The following DAB1 variants were observed in gnomAD, a reference collection of about 807,000 sequenced individuals.
DAB1 encodes the protein disabled homolog 1.
Under a neutral mutation model 64.6 loss-of-function variants are expected in DAB1, and 15 were observed. The ratio of observed to expected loss-of-function variants is 0.23; its 90% CI spans 0.16 to 0.36. The LOEUF (loss-of-function observed/expected upper bound fraction) is 0.36, where lower values mean the gene tolerates loss of function less well. Ranked by LOEUF, DAB1 falls within the 10% of genes least tolerant of loss-of-function variation. The pLI, the probability that DAB1 is intolerant of heterozygous loss-of-function variation, is 1.00. For synonymous variants in DAB1, 235 were observed against 251.9 expected, an observed-to-expected ratio of 0.93 and a Z score of 0.64; for missense variants, 596 against 706.7, an observed-to-expected ratio of 0.84 and a Z score of 1.78.
At chr1:57,238,363 C>T (rs958092169) in intron 2 of DAB1, among the ~76,000 whole-genome samples, 2 of 152,168 alleles carry the variant, frequency 1.3e-5, no homozygotes, top group Non-Finnish European at 2.9e-5. Flanking sequence ...GCCACAGCAA[C>T]CTAGGAGAAA....
intron 3 of DAB1, among the ~76,000 whole-genome samples, chr1:58,401,734 G>T (rs1644570143): frequency 6.6e-6 from 1 of 152,018 alleles, no homozygotes; most frequent in African/African-American, 2.4e-5. Flanking sequence ...GCATATAATG[G>T]GTATCACCTT....
chr1:57,480,623 T>C (rs1397578273), intron 7 of DAB1, among the ~76,000 whole-genome samples: 1 of 152,116 alleles, frequency 6.6e-6, no homozygotes, highest in African/African-American at 2.4e-5. Flanking sequence ...GAGCTGGGAT[T>C]ACAGGCACAT....
At chr1:58,091,983 A>T (rs922674104) in intron 5 of DAB1, among the ~76,000 whole-genome samples, 16 of 143,826 alleles carry the variant, frequency 1.1e-4, no homozygotes, top group Non-Finnish European at 2.2e-4. Context: ...AACATAGCTT[A>T]AGTAGCTTTA....
intron 7 of DAB1, among the ~76,000 whole-genome samples, chr1:57,513,747 T>C (rs1644431725): frequency 6.6e-6 from 1 of 152,208 alleles, no homozygotes; most frequent in Non-Finnish European, 1.5e-5. Context: ...ATGTTGTTAT[T>C]AACTACAGCT....
intron 9 of DAB1, among the ~76,000 whole-genome samples, chr1:57,053,983 G>C (rs188970489): frequency 6.6e-6 from 1 of 151,954 alleles, no homozygotes; most frequent in Non-Finnish European, 1.5e-5. Flanking sequence ...CACCGCGCCC[G>C]GCCTAAGAAA....
intron 3 of DAB1, among the ~76,000 whole-genome samples, chr1:58,491,201 G>C (rs1232429177): frequency 6.6e-6 from 1 of 152,072 alleles, no homozygotes; most frequent in Admixed American, 6.6e-5. Context: ...ATACTTTACA[G>C]ACAAGCAAAT....
intron 2 of DAB1, among the ~76,000 whole-genome samples, chr1:57,157,977 C>A (rs922960810): frequency 6.6e-6 from 1 of 152,134 alleles, no homozygotes; most frequent in African/African-American, 2.4e-5. Context: ...CTAAGGAGGG[C>A]GTAGCTGCCT....
intron 1 of DAB1, chr1:57,860,610 G>C (rs1440910085): frequency 1.3e-5 from 2 of 152,276 alleles, no homozygotes; most frequent in Admixed American, 6.5e-5. Flanking sequence ...CAGGATGGCA[G>C]TGAGGCAGGC....
chr1:58,019,738 T>C (rs1231255782), intron 5 of DAB1, among the ~76,000 whole-genome samples: 1 of 152,170 alleles, frequency 6.6e-6, no homozygotes, highest in African/African-American at 2.4e-5. Flanking sequence ...TTTGAAATAT[T>C]CTAAGCAGAG....
intron 3 of DAB1, among the ~76,000 whole-genome samples, chr1:58,346,622 C>T (rs1404542863): frequency 3.3e-5 from 5 of 152,190 alleles, no homozygotes; most frequent in African/African-American, 1.2e-4. Context: ...TATCTATAAG[C>T]ATCTGTGCTG....
At chr1:57,298,732 C>T (rs896153514) in intron 1 of DAB1, among the ~76,000 whole-genome samples, 2 of 151,776 alleles carry the variant, frequency 1.3e-5, no homozygotes, top group Non-Finnish European at 2.9e-5. Context: ...AAAGTTGGAG[C>T]AAAGAGACAC....
At chr1:57,268,701 A>G (rs1670766627) in intron 2 of DAB1, among the ~76,000 whole-genome samples, 1 of 152,196 alleles carries the variant, frequency 6.6e-6, no homozygotes, top group East Asian at 1.9e-4. Flanking sequence ...GGTTCCATAC[A>G]TACATAATTC....
At chr1:58,372,117 G>T (rs4912337) in intron 3 of DAB1, among the ~76,000 whole-genome samples, 111,125 of 152,036 alleles carry the variant, frequency 0.73, 41,919 homozygotes, top group Middle Eastern at 0.84. Flanking sequence ...GCTTGCGCCA[G>T]GCACTTGGAA....
chr1:57,041,489 G>A (rs11206958), intron 9 of DAB1, among the ~76,000 whole-genome samples: 51,373 of 152,042 alleles, frequency 0.34, 9,436 homozygotes, highest in Middle Eastern at 0.46. Context: ...TGCTGTTCCC[G>A]GGACTGCAAC....
At chr1:57,708,263 G>A (rs3118021) in intron 6 of DAB1, among the ~76,000 whole-genome samples, 1 of 152,176 alleles carries the variant, frequency 6.6e-6, no homozygotes, top group Non-Finnish European at 1.5e-5. Flanking sequence ...CTGACTAGGA[G>A]CAAAGACCTG....
intron 5 of DAB1, among the ~76,000 whole-genome samples, chr1:57,912,513 T>C (rs6687583): frequency 0.054 from 8,271 of 152,192 alleles, 774 homozygotes; most frequent in African/African-American, 0.19. Flanking sequence ...ATTGGAAGCA[T>C]TCCCTTTGAA....
chr1:57,064,350 G>T (rs1459536945), intron 8 of DAB1, among the ~76,000 whole-genome samples: 2 of 152,252 alleles, frequency 1.3e-5, no homozygotes, highest in South Asian at 2.1e-4. Flanking sequence ...AGCTCTTTCT[G>T]GTGGCCAAAC....
chr1:57,026,529 T>C (rs1646794728), intron 9 of DAB1, among the ~76,000 whole-genome samples: 1 of 152,192 alleles, frequency 6.6e-6, no homozygotes, highest in Admixed American at 6.5e-5. Flanking sequence ...CATCCTCATT[T>C]TTACAAATAA....
intron 9 of DAB1, among the ~76,000 whole-genome samples, chr1:57,038,730 T>C (rs1475829047): frequency 6.6e-6 from 1 of 152,218 alleles, no homozygotes; most frequent in African/African-American, 2.4e-5. Context: ...ACGTGTAATA[T>C]ATCCACAAAT....
Sources: gnomAD v4.1 joint callset for allele counts (sites outside exome capture counted in the v4.1 genomes callset) on GRCh38, gnomAD v4.1.1 for gene constraint, MANE v1.5 for transcripts, NCBI Gene and HGNC (gene_info 2026-07-23, HGNC 2026-07-21) for gene names.